RBM19: variants seen among roughly 807,000 people sequenced by gnomAD.
The protein encoded by RBM19 is probable RNA-binding protein 19.
A neutral mutation model predicts 116.8 loss-of-function variants in RBM19; 94 were observed. The observed-to-expected ratio is 0.80, with a 90% CI of 0.68 to 0.95. The LOEUF is 0.95. RBM19 is among the 40% of genes least tolerant of loss of function. The pLI is 0.00. For missense variants in RBM19, 1,161 were observed against 1,220.7 expected, an observed-to-expected ratio of 0.95 and a Z score of 0.73; for synonymous variants, 475 against 494.1, an observed-to-expected ratio of 0.96 and a Z score of 0.51.
intron 21 of RBM19, among the ~76,000 whole-genome samples, chr12:113,870,823 C>T (rs1879154395): frequency 6.6e-6 from 1 of 152,156 alleles, no homozygotes; most frequent in African/African-American, 2.4e-5. Context: ...GAAGACATCC[C>T]AGGGAGATTT....
chr12:113,872,492 C>T (rs1275499135), intron 21 of RBM19, among the ~76,000 whole-genome samples: 2 of 134,916 alleles, frequency 1.5e-5, no homozygotes, highest in African/African-American at 5.3e-5. Context: ...CCCCTCTGCC[C>T]GGCCAGCCGC....
rs181690338 is a variant in RBM19, at chr12:113,942,585, G to A, written c.1627-151C>T. 4,123 of 603,002 alleles carry A rather than the reference G, an allele frequency of 6.8e-3. 35 individuals are homozygous for A. Among genetic ancestry groups the A allele is most frequent in the South Asian group, 0.013 (631 of 48,212 alleles). 37.4% of individuals were successfully genotyped at this position (603,002 alleles called of 1,614,324 possible). A position where few individuals can be genotyped will look rare whatever the true frequency, so the allele number is the denominator to read the frequency against. The stretch of plus-strand genomic sequence containing the variant: ...CCTACATTGATCAGATGCCCCCAAC[G>A]GCTCTGTGCTTTTTTTTTTTTTTTT... On this transcript the variant is annotated intron_variant, in intron 13 of 23. Transcript: ENST00000261741.
At chr12:113,858,641 T>C (rs1371282983) in intron 22 of RBM19, 150 bp downstream of exon 22, 1 of 678,530 alleles carries the variant, frequency 1.5e-6, no homozygotes, top group East Asian at 2.7e-5. Context: ...TCTCCAAGGA[T>C]GTTGTACACA....
intron 15 of RBM19, 127 bp from the exon 16 acceptor site, chr12:113,937,263 G>C (rs1183204097): frequency 8.6e-7 from 1 of 1,165,418 alleles, no homozygotes; most frequent in African/African-American, 1.6e-5. Context: ...GAATGGAGCC[G>C]GAAGGAGCCC....
At position 113,918,373 on chromosome 12, in the gene RBM19, G is replaced by A. The variant is rs768156272; in HGVS notation, c.2441+19C>T. The A allele has an allele frequency of 4.3e-6, 7 of 1,614,116 alleles. No homozygotes were observed. The highest frequency in any genetic ancestry group is 1.7e-4 in the Middle Eastern group (1 of 6,058). On this transcript the variant is annotated intron_variant, in intron 20 of 23. Transcript: ENST00000261741. ...AGCCCCAGCTCGTAGGAAAGGAAAT[G>A]AGGACACTGAAGACTCACTTAGTGG...
At chr12:113,923,048 C>T (rs768679568) in intron 18 of RBM19, among the ~76,000 whole-genome samples, 3 of 152,184 alleles carry the variant, frequency 2.0e-5, no homozygotes, top group South Asian at 2.1e-4. Flanking sequence ...GCACAAGAAT[C>T]GTTTGAACCC....
chr12:113,886,413 G>C (rs1880520331), intron 21 of RBM19, among the ~76,000 whole-genome samples: 1 of 152,214 alleles, frequency 6.6e-6, no homozygotes, highest in African/African-American at 2.4e-5. Context: ...GATTAGAGGT[G>C]TAAGCCACCG....
intron 21 of RBM19, among the ~76,000 whole-genome samples, chr12:113,880,987 C>T (rs1254192537): frequency 1.3e-5 from 2 of 152,174 alleles, no homozygotes; most frequent in African/African-American, 2.4e-5. Context: ...AGTCTGCAAA[C>T]GCGGGTGAGT....
downstream of RBM19, among the ~76,000 whole-genome samples, chr12:113,821,860 G>A (rs1009488385): frequency 1.3e-5 from 2 of 152,190 alleles, no homozygotes; most frequent in South Asian, 2.1e-4. Context: ...GACACGAGGC[G>A]CATGCTTGGT....
At chr12:113,840,543 C>A (rs1876371989) in intron 23 of RBM19, among the ~76,000 whole-genome samples, 1 of 152,274 alleles carries the variant, frequency 6.6e-6, no homozygotes, top group African/African-American at 2.4e-5. Context: ...CTGTCCTGCT[C>A]CATCCCCGGA....
chr12:113,962,172 GA>G, intron 2 of RBM19, 59 bp downstream of exon 2: 1 of 1,583,438 alleles, frequency 6.3e-7, no homozygotes. Flanking sequence ...AGTGCTGAGT[GA>G]AAGATCAAAC....
intron 21 of RBM19, among the ~76,000 whole-genome samples, chr12:113,867,456 G>A (rs1375174086): frequency 6.6e-6 from 1 of 152,160 alleles, no homozygotes; most frequent in African/African-American, 2.4e-5. Flanking sequence ...GCCTCCAGGG[G>A]GCGTGGATTT....
chr12:113,856,888 G>A (rs1877952633), intron 22 of RBM19, among the ~76,000 whole-genome samples: 2 of 152,162 alleles, frequency 1.3e-5, no homozygotes, highest in African/African-American at 4.8e-5. Flanking sequence ...ACCATTTTAC[G>A]AGGGGAGGAA....
intron 21 of RBM19, among the ~76,000 whole-genome samples, chr12:113,905,397 A>G (rs888470825): frequency 1.3e-5 from 2 of 152,208 alleles, no homozygotes; most frequent in Non-Finnish European, 2.9e-5. Flanking sequence ...TGAATATCCA[A>G]GTGGAAAAAA....
At chr12:113,938,862 A>G (rs1314318529) in intron 15 of RBM19, among the ~76,000 whole-genome samples, 2 of 152,160 alleles carry the variant, frequency 1.3e-5, no homozygotes, top group African/African-American at 4.8e-5. Flanking sequence ...TAGAGCCTTC[A>G]GAGGAAGCAC....
intron 21 of RBM19, among the ~76,000 whole-genome samples, chr12:113,911,207 A>G (rs1440755036): frequency 6.6e-6 from 1 of 152,098 alleles, no homozygotes; most frequent in Non-Finnish European, 1.5e-5. Flanking sequence ...GTACATGCAT[A>G]CTTGCACAGT....
chr12:113,949,005 C>A lies in RBM19; in HGVS notation c.1104G>T (p.Lys368Asn), dbSNP rs1223351481. 1.9e-6 allele frequency: 3 copies of A among 1,614,156 alleles called. No homozygotes were observed. Among genetic ancestry groups the A allele is most frequent in the Non-Finnish European group, 2.5e-6 (3 of 1,180,010 alleles). The change falls in exon 10 of 24, where the codon AAG (lysine) becomes AAT (asparagine). Residue 368 changes from lysine (K) to asparagine (N), a missense_variant. By Grantham distance (94) the Lys-to-Asn change is moderately conservative. Coordinates refer to ENST00000261741, the MANE Select transcript of RBM19 (RefSeq NM_016196.4). ...GGRYIEVFRE[K>N]NVPTTKGAPK... The stretch of plus-strand genomic sequence containing the variant: ...GTGCACCCTTGGTGGTGGGGACGTT[C>A]TTTTCCCTGAACACCTCGATGTAGC...
intron 21 of RBM19, among the ~76,000 whole-genome samples, chr12:113,884,364 A>C (rs950010077): frequency 1.3e-5 from 2 of 150,598 alleles, no homozygotes; most frequent in Admixed American, 6.6e-5. Flanking sequence ...GTTGGTTCTC[A>C]ATCAGGCAAT....
At chr12:113,885,813 A>C (rs1880473732) in intron 21 of RBM19, among the ~76,000 whole-genome samples, 1 of 151,684 alleles carries the variant, frequency 6.6e-6, no homozygotes, top group Non-Finnish European at 1.5e-5. Context: ...AATTTTTTTT[A>C]AGTTAAAATA....
Sources: gnomAD v4.1 joint callset for allele counts (sites outside exome capture counted in the v4.1 genomes callset) on GRCh38, gnomAD v4.1.1 for gene constraint, MANE v1.5 for transcripts, NCBI Gene and HGNC (gene_info 2026-07-23, HGNC 2026-07-21) for gene names.